Variants in ABCC10 observed in about 807,000 individuals in gnomAD.
ABCC10 encodes ATP-binding cassette sub-family C member 10.
A neutral mutation model predicts 143.2 loss-of-function variants in ABCC10; 110 were observed. That is an observed-to-expected ratio of 0.77 (90% CI 0.66 to 0.90). The LOEUF (loss-of-function observed/expected upper bound fraction) is 0.90. ABCC10 is among the 40% of genes least tolerant of loss of function. The pLI is 0.00. For missense variants in ABCC10, 1,700 were observed against 1,900.5 expected, an observed-to-expected ratio of 0.89 and a Z score of 1.96; for synonymous variants, 805 against 846.7, an observed-to-expected ratio of 0.95 and a Z score of 0.85.
At chr6:43,446,081 A>G (rs1363116654) in intron 15 of ABCC10, 139 bp downstream of exon 15, 1 of 1,191,474 alleles carries the variant, frequency 8.4e-7, no homozygotes, top group Non-Finnish European at 1.2e-6. Context: ...GCAACAGAAG[A>G]AGGAGATAGG....
intron 2 of ABCC10, among the ~76,000 whole-genome samples, chr6:43,429,235 G>A (rs969713034): frequency 7.0e-4 from 24 of 34,388 alleles, no homozygotes; most frequent in African/African-American, 2.4e-3. Flanking sequence ...TTGAAGGGGT[G>A]ATGAGGCTGG....
chr6:43,429,363 T>G (rs55683394), intron 2 of ABCC10, among the ~76,000 whole-genome samples: 2 of 90,108 alleles, frequency 2.2e-5, no homozygotes, highest in African/African-American at 3.8e-5. Flanking sequence ...TCTTTCTTTC[T>G]TTTCTTTCTT....
Position 43,443,932 on chromosome 6 carries a change from G to A in ABCC10, c.2417-1G>A, listed in dbSNP as rs1184743198. ...TCCCAATCTCCCCTTCTACCCTCCAGGACCTCCCTCTGAGATTCTGCCACT... is the reference window on the plus strand; with the variant it reads ...TCCCAATCTCCCCTTCTACCCTCCAAGACCTCCCTCTGAGATTCTGCCACT... On this transcript the variant is annotated splice_acceptor_variant, in intron 10 of 21. Transcript: ENST00000372530. LOFTEE classifies it high-confidence loss of function. This position sits in a 1 kb window ranked among gnomAD's most constrained non-coding sequence, Gnocchi z 4.2. The A allele has an allele frequency of 1.2e-5, 20 of 1,613,132 alleles. No individual in the cohort carries two copies. Among genetic ancestry groups the A allele is most frequent in the Non-Finnish European group, 1.6e-5 (19 of 1,179,156 alleles).
intron 12 of ABCC10, among the ~76,000 whole-genome samples, 197 bp downstream of exon 12, chr6:43,444,550 T>C (rs139535891): frequency 2.0e-5 from 3 of 152,304 alleles, no homozygotes; most frequent in African/African-American, 7.2e-5. Flanking sequence ...TTCTGCCCCC[T>C]AGGTTAGCTC....
intron 16 of ABCC10, chr6:43,446,869 A>C: frequency 9.5e-7 from 1 of 1,051,890 alleles, no homozygotes; most frequent in Non-Finnish European, 1.1e-6. Flanking sequence ...TTTTTTTGAG[A>C]TGGAGTCTCG....
Position 43,444,923 on chromosome 6 carries a change from C to A in ABCC10, c.2825C>A (p.Ser942Tyr). The change falls in exon 13 of 22, where the codon TCC becomes TAC. Residue 942 changes from serine to tyrosine, a missense_variant. By Grantham distance (144) the Ser-to-Tyr change is moderately radical (BLOSUM62 -2). Coordinates refer to ENST00000372530, the MANE Select transcript of ABCC10 (RefSeq NM_001198934.2). ...TTCTCTCCGCAGCTGCTCCTCTTTT[C>A]CCCTGGAAACCTCTAGTGAGTGGCT... ...GLFSPQLLLF[S>Y]PGNLYIPVFP... 1 of 1,612,656 alleles carries A rather than the reference C, an allele frequency of 6.2e-7. No individual in the cohort carries two copies. Among genetic ancestry groups the A allele is most frequent in the South Asian group, 1.1e-5 (1 of 90,852 alleles).
intron 16 of ABCC10, 153 bp downstream of exon 16, chr6:43,446,599 A>G: frequency 1.0e-6 from 1 of 984,988 alleles, no homozygotes; most frequent in Non-Finnish European, 1.2e-6. Flanking sequence ...CCCCGTTTGG[A>G]GTTGAGGAGA....
At chr6:43,430,397 T>C (rs1263826894) in intron 2 of ABCC10, among the ~76,000 whole-genome samples, 2 of 152,066 alleles carry the variant, frequency 1.3e-5, no homozygotes, top group East Asian at 3.9e-4. Flanking sequence ...AGCCCAGAAA[T>C]AGAATTCTTA....
At position 43,433,097 on chromosome 6, in the gene ABCC10, A is replaced by G; in HGVS notation, c.1117A>G (p.Ser373Gly). 2 of 1,614,126 alleles carry G rather than the reference A, an allele frequency of 1.2e-6. No homozygotes were observed. The highest frequency in any genetic ancestry group is 1.7e-6 in the Non-Finnish European group (2 of 1,180,008). Residue 373 changes from serine (S) to glycine (G), a missense_variant, in exon 3 of 22, where the codon AGC (serine) becomes GGC (glycine). Transcript: ENST00000372530. ...CTGCAAGGCTTTACAGCTGGGGCCC[A>G]GCCGCCCTCCTACTGGGGAGGCCCT... ...LYCKALQLGP[S>G]RPPTGEALNL...
chr6:43,430,339 C>T (rs1364679682), intron 2 of ABCC10, among the ~76,000 whole-genome samples: 4 of 152,146 alleles, frequency 2.6e-5, no homozygotes, highest in Admixed American at 6.5e-5. Flanking sequence ...GATCCACCTG[C>T]CTCTGCCTCC....
chr6:43,444,487 A>G, intron 12 of ABCC10, 134 bp downstream of exon 12: 3 of 1,215,710 alleles, frequency 2.5e-6, no homozygotes, highest in South Asian at 3.3e-5. Flanking sequence ...CCATACTCCT[A>G]ATTCTGAGAG....
At position 43,450,001 on chromosome 6, in the gene ABCC10, G is replaced by A. The variant is rs749759931; in HGVS notation, c.4389G>A (p.Pro1463=). Residue 1463 remains proline (P), a synonymous_variant, in exon 22 of 22, where the codon CCG becomes CCA. Coordinates refer to ENST00000372530, the MANE Select transcript of ABCC10 (RefSeq NM_001198934.2). This position sits in a 1 kb window ranked among gnomAD's most constrained non-coding sequence, Gnocchi z 4.5. ...QAGRVVELDS[P]ATLRNQPHSL... is the part of the protein sequence containing the mutation. The stretch of plus-strand genomic sequence containing the variant: ...GGAGAGTGGTAGAGCTGGACTCCCC[G>A]GCCACCCTGCGCAACCAGCCCCACT... 14 of 1,613,552 alleles carry A rather than the reference G, an allele frequency of 8.7e-6. No individual in the cohort carries two copies. Among genetic ancestry groups the A allele is most frequent in the East Asian group, 2.2e-5 (1 of 44,882 alleles).
Position 43,447,263 on chromosome 6 carries a change from C to A in ABCC10, c.3560C>A (p.Ser1187Ter). 1 of 1,613,396 alleles carries A rather than the reference C, an allele frequency of 6.2e-7. No individual in the cohort carries two copies. Among genetic ancestry groups the A allele is most frequent in the South Asian group, 1.1e-5 (1 of 91,024 alleles). Reference protein sequence around the residue: ...GLANPGLVGLSLSYALSLTGL... With the variant: ...GLANPGLVGL ...TCTCCCCCAGGGCTGGTGGGCTTGTCGCTGTCTTATGCCCTGTCCCTGACG... is the reference window on the plus strand; with the variant it reads ...TCTCCCCCAGGGCTGGTGGGCTTGTAGCTGTCTTATGCCCTGTCCCTGACG... The change falls in exon 17 of 22, where the codon TCG (serine) becomes TAG (stop). Residue 1187 changes from serine (S) to a stop codon, truncating the protein, a stop_gained. Transcript: ENST00000372530. LOFTEE classifies it high-confidence loss of function.
intron 14 of ABCC10, 57 bp downstream of exon 14, chr6:43,445,371 C>T: frequency 6.5e-7 from 1 of 1,545,272 alleles, no homozygotes; most frequent in Admixed American, 1.9e-5. Flanking sequence ...TGTGGAGTGT[C>T]CTCCCAATAC....
chr6:43,444,766 T>G (rs1219783116), intron 12 of ABCC10, 22 bp from the exon 13 acceptor site: 37 of 1,563,140 alleles, frequency 2.4e-5, no homozygotes, highest in Non-Finnish European at 2.6e-5. Flanking sequence ...CTTACAGCTT[T>G]TTCCTTCCTG....
rs1259659732 is a variant in ABCC10 at position 43,443,918 on chromosome 6, C to G, written c.2417-15C>G. On this transcript the variant is annotated splice_polypyrimidine_tract_variant and intron_variant, in intron 10 of 21. Transcript: ENST00000372530. This position sits in a 1 kb window ranked among gnomAD's most constrained non-coding sequence, Gnocchi z 4.2. ...TCAGAACAGTCCTCTCCCAATCTCC[C>G]CTTCTACCCTCCAGGACCTCCCTCT... The G allele has an allele frequency of 3.1e-6, 5 of 1,607,292 alleles. No individual in the cohort carries two copies. In the East Asian group the frequency reaches 8.9e-5, roughly 29 times the overall value.
chr6:43,438,373 C>A, intron 7 of ABCC10: 1 of 1,418,866 alleles, frequency 7.0e-7, no homozygotes, highest in South Asian at 1.6e-5. Context: ...ATACTCTCCA[C>A]TGAGCTCCTG....
chr6:43,431,974 T>G, intron 2 of ABCC10, 168 bp from the exon 3 acceptor site: 1 of 1,431,618 alleles, frequency 7.0e-7, no homozygotes, highest in Non-Finnish European at 9.2e-7. Flanking sequence ...CTGGGAAGAC[T>G]TCCTGGGAGA....
intron 18 of ABCC10, among the ~76,000 whole-genome samples, 187 bp from the exon 19 acceptor site, chr6:43,448,694 G>A (rs1468746219): frequency 6.6e-6 from 1 of 152,158 alleles, no homozygotes; most frequent in African/African-American, 2.4e-5. Flanking sequence ...TCATAGCACT[G>A]GCACAGTTCT....
Sources: allele counts gnomAD v4.1 joint callset (sites outside exome capture counted in the v4.1 genomes callset), GRCh38; gene constraint gnomAD v4.1.1; non-coding constraint Gnocchi (gnomAD v3.1); transcripts MANE v1.5; gene names NCBI Gene and HGNC (gene_info 2026-07-23, HGNC 2026-07-21).